Variants in TMEM178B observed in about 807,000 individuals in gnomAD.
TMEM178B encodes the protein transmembrane protein 178B.
In TMEM178B, 5 loss-of-function variants were observed where a neutral mutation model predicts 31.0. That is an observed-to-expected ratio of 0.16 (90% CI 0.08 to 0.34). TMEM178B has a LOEUF of 0.34. TMEM178B is among the 10% of genes least tolerant of loss of function. TMEM178B has a pLI of 1.00. For missense variants in TMEM178B, 275 were observed against 400.3 expected, an observed-to-expected ratio of 0.69 and a Z score of 2.67; for synonymous variants, 164 against 164.0, an observed-to-expected ratio of 1.00 and a Z score of 0.00.
intron 2 of TMEM178B, among the ~76,000 whole-genome samples, chr7:141,363,097 A>G (rs1286828058): frequency 6.6e-6 from 1 of 152,186 alleles, no homozygotes; most frequent in Non-Finnish European, 1.5e-5. Context: ...AGGAGACAAA[A>G]ATCATCGGAA....
At chr7:141,448,509 A>G (rs186375027) in intron 3 of TMEM178B, among the ~76,000 whole-genome samples, 2 of 152,294 alleles carry the variant, frequency 1.3e-5, no homozygotes, top group East Asian at 3.9e-4. Context: ...ATCTTTTGGA[A>G]AGTTCCTGTA....
At chr7:141,308,585 C>T (rs961397488) in intron 2 of TMEM178B, among the ~76,000 whole-genome samples, 1 of 152,060 alleles carries the variant, frequency 6.6e-6, no homozygotes, top group African/African-American at 2.4e-5. Flanking sequence ...TTCTGTAGAA[C>T]CCCAATATGT....
At chr7:141,079,666 T>A (rs1022738309) in intron 1 of TMEM178B, among the ~76,000 whole-genome samples, 4 of 152,194 alleles carry the variant, frequency 2.6e-5, no homozygotes, top group Non-Finnish European at 5.9e-5. Flanking sequence ...CCTTCTTCCC[T>A]CCTGCCCTCT....
At chr7:141,210,645 C>G (rs1024286705) in intron 1 of TMEM178B, among the ~76,000 whole-genome samples, 1 of 152,130 alleles carries the variant, frequency 6.6e-6, no homozygotes, top group Non-Finnish European at 1.5e-5. Flanking sequence ...CCTTCAGTGC[C>G]CTAGGAGCCT....
At chr7:141,302,911 G>C (rs1045212709) in intron 2 of TMEM178B, among the ~76,000 whole-genome samples, 1 of 152,222 alleles carries the variant, frequency 6.6e-6, no homozygotes, top group Admixed American at 6.5e-5. Context: ...TCAAATGCCA[G>C]CTTGGAAAAG....
Position 141,477,505 on chromosome 7 carries a change from T to G in TMEM178B, c.*6719T>G, listed in dbSNP as rs1373180597. The G allele has an allele frequency of 6.6e-6, 1 of 152,146 alleles. No individual in the cohort carries two copies. The highest frequency in any genetic ancestry group is 1.5e-5 in the Non-Finnish European group (1 of 68,038). The allele number at this position is 152,146 out of a possible 1,614,324, so 9.4% of individuals were successfully genotyped here. A position where few individuals can be genotyped will look rare whatever the true frequency, so the allele number is the denominator to read the frequency against. Reference sequence around the variant, plus strand: ...AAAGGTTTTTCCCTGTAAAGTAGAATGCACTTCCCCCAAAATAAAAGTAAA... The same window carrying G: ...AAAGGTTTTTCCCTGTAAAGTAGAAGGCACTTCCCCCAAAATAAAAGTAAA... On this transcript the variant is annotated 3_prime_UTR_variant, in exon 4 of 4. Transcript: ENST00000565468.
chr7:141,180,141 G>T (rs921560292), intron 1 of TMEM178B, among the ~76,000 whole-genome samples: 3 of 152,138 alleles, frequency 2.0e-5, no homozygotes, highest in African/African-American at 7.2e-5. Flanking sequence ...TGTCAAAATG[G>T]TAGAGGGGGA....
At chr7:141,423,540 TGGA>T in intron 2 of TMEM178B, among the ~76,000 whole-genome samples, 1 of 152,278 alleles carries the variant, frequency 6.6e-6, no homozygotes, top group East Asian at 1.9e-4. Flanking sequence ...CTTTAGAATA[TGGA>T]GGAGGAGGAG....
In TMEM178B at chr7:141,136,347, C is replaced by A. The variant is rs777536656; in HGVS notation, c.382+61655C>A. Among the ~76,000 whole-genome samples the A allele has an allele frequency of 1.7e-4, 26 of 152,002 alleles. 1 individual carries two copies. Among genetic ancestry groups the A allele is most frequent in the Non-Finnish European group, 2.4e-4 (16 of 67,992 alleles). On this transcript the variant is annotated intron_variant, in intron 1 of 3. Coordinates refer to ENST00000565468, the MANE Select transcript of TMEM178B (RefSeq NM_001195278.2). ...CACATGCAGAAGAATGAAACTGGAC[C>A]CCTATGTCTCACCATATACAAAAAT...
chr7:141,297,652 C>G (rs1186909015), intron 2 of TMEM178B, among the ~76,000 whole-genome samples: 1 of 152,122 alleles, frequency 6.6e-6, no homozygotes, highest in East Asian at 1.9e-4. Flanking sequence ...TGATGGTTTC[C>G]AGCTTCATCC....
At chr7:141,200,899 G>A (rs73167454) in intron 1 of TMEM178B, among the ~76,000 whole-genome samples, 11,492 of 152,176 alleles carry the variant, frequency 0.076, 580 homozygotes, top group Non-Finnish European at 0.11. Flanking sequence ...CTCCAGCACC[G>A]CCCTGTGGAA....
intron 2 of TMEM178B, among the ~76,000 whole-genome samples, chr7:141,426,386 T>C (rs1801316418): frequency 6.6e-6 from 1 of 152,186 alleles, no homozygotes; most frequent in Non-Finnish European, 1.5e-5. Context: ...TAAATAATTA[T>C]AAAAAGATGT....
chr7:141,308,986 T>C (rs1380593069), intron 2 of TMEM178B, among the ~76,000 whole-genome samples: 1 of 152,148 alleles, frequency 6.6e-6, no homozygotes, highest in Admixed American at 6.5e-5. Flanking sequence ...AGGAAGTGGA[T>C]TAAGTGAATT....
At chr7:141,099,075 G>T (rs140151723) in intron 1 of TMEM178B, among the ~76,000 whole-genome samples, 2 of 152,330 alleles carry the variant, frequency 1.3e-5, no homozygotes, top group Non-Finnish European at 2.9e-5. Context: ...AACCAGGGCA[G>T]AATGGAATCT....
At chr7:141,258,659 C>T (rs1797967797) in intron 2 of TMEM178B, among the ~76,000 whole-genome samples, 1 of 152,184 alleles carries the variant, frequency 6.6e-6, no homozygotes, top group Admixed American at 6.5e-5. Flanking sequence ...GAAATCTCTC[C>T]ATATTTAATT....
intron 2 of TMEM178B, among the ~76,000 whole-genome samples, chr7:141,384,943 T>C (rs1800403480): frequency 6.6e-6 from 1 of 152,204 alleles, no homozygotes; most frequent in Non-Finnish European, 1.5e-5. Context: ...ATAATTGATC[T>C]ACTCATCTTC....
In TMEM178B at chr7:141,281,931, G is replaced by A. The variant is rs184998327; in HGVS notation, c.496+69227G>A. Among the ~76,000 whole-genome samples, 340 of 152,276 alleles carry A rather than the reference G, an allele frequency of 2.2e-3. 5 individuals are homozygous for A. The highest frequency in any genetic ancestry group is 3.6e-3 in the Admixed American group (55 of 15,298). ...TATTCTGGAGGTGAAAAAAAAATTA[G>A]GTAAGAGAGTGATGTGATTGGATTT... is the stretch of plus-strand genomic sequence containing the variant. On this transcript the variant is annotated intron_variant, in intron 2 of 3. Transcript: ENST00000565468.
intron 2 of TMEM178B, among the ~76,000 whole-genome samples, chr7:141,320,277 C>T (rs542853116): frequency 1.3e-5 from 2 of 152,228 alleles, no homozygotes; most frequent in Non-Finnish European, 2.9e-5. Context: ...GTTCTTTATA[C>T]CAGTGTGAAA....
intron 3 of TMEM178B, among the ~76,000 whole-genome samples, chr7:141,468,684 G>T (rs1056535917): frequency 1.3e-4 from 20 of 152,158 alleles, no homozygotes; most frequent in African/African-American, 3.9e-4. Context: ...TCCGACATTT[G>T]TCATCTCACG....
Sources: gnomAD v4.1 joint callset for allele counts (sites outside exome capture counted in the v4.1 genomes callset) on GRCh38, gnomAD v4.1.1 for gene constraint, MANE v1.5 for transcripts, NCBI Gene and HGNC (gene_info 2026-07-23, HGNC 2026-07-21) for gene names.